CDH26: variants seen among roughly 807,000 people sequenced by gnomAD.
CDH26 encodes cadherin-like protein 26.
A neutral mutation model predicts 90.3 loss-of-function variants in CDH26; 83 were observed. The ratio of observed to expected loss-of-function variants is 0.92; its 90% CI spans 0.77 to 1.10. The LOEUF (loss-of-function observed/expected upper bound fraction) is 1.10, where lower values mean the gene tolerates loss of function less well. Ranked by LOEUF, CDH26 falls within the 50% of genes least tolerant of loss-of-function variation. The pLI is 0.00. For missense variants in CDH26, 1,013 were observed against 1,037.6 expected (o/e 0.98, Z 0.33); for synonymous variants, 397 against 396.3 (o/e 1.00, Z -0.02).
intron 7 of CDH26, among the ~76,000 whole-genome samples, chr20:59,985,594 G>C (rs1236478000): frequency 6.6e-6 from 1 of 152,096 alleles, no homozygotes; most frequent in African/African-American, 2.4e-5. Flanking sequence ...CTTCCCACCA[G>C]GCCCCACCTC....
At chr20:59,982,128 T>C (rs2061402124) in intron 4 of CDH26, among the ~76,000 whole-genome samples, 1 of 152,216 alleles carries the variant, frequency 6.6e-6, no homozygotes, top group African/African-American at 2.4e-5. Flanking sequence ...TCATTCTCGT[T>C]ATTGATAATT....
chr20:60,012,739 G>C lies in CDH26; in HGVS notation c.*9G>C, dbSNP rs768562324. 1.9e-6 allele frequency: 3 copies of C among 1,599,306 alleles called. No individual in the cohort carries two copies. Among genetic ancestry groups the C allele is most frequent in the Non-Finnish European group, 2.6e-6 (3 of 1,168,684 alleles). Reference sequence around the variant, plus strand: ...CAGGTGTTCCTTCCTAAAAAAAAAAGTCTATTTTGGAGAATTGAAATAATT... The same window carrying C: ...CAGGTGTTCCTTCCTAAAAAAAAAACTCTATTTTGGAGAATTGAAATAATT... On this transcript the variant is annotated 3_prime_UTR_variant, in exon 18 of 18. Coordinates refer to ENST00000348616, the MANE Select transcript of CDH26 (RefSeq NM_177980.4).
At position 59,982,801 on chromosome 20, in the gene CDH26, C is replaced by T. The variant is rs2061409610; in HGVS notation, c.394-122C>T. On this transcript the variant is annotated intron_variant, in intron 4 of 17. Coordinates refer to ENST00000348616, the MANE Select transcript of CDH26 (RefSeq NM_177980.4). ...AAATGAGGGCAGTCTGATTCCTGCC[C>T]TCCGGAACTCTCAGTCTAGAGGAGG... 5.2e-6 allele frequency: 6 copies of T among 1,161,080 alleles called. No homozygotes were observed. The Admixed American group carries it at 8.6e-5, about 17-fold the overall frequency. The allele number at this position is 1,161,080 out of a possible 1,614,324, so 71.9% of individuals were successfully genotyped here.
At chr20:59,993,839 A>T (rs559477354) in intron 10 of CDH26, among the ~76,000 whole-genome samples, 1 of 152,306 alleles carries the variant, frequency 6.6e-6, no homozygotes, top group African/African-American at 2.4e-5. Flanking sequence ...ACCTTGCAGG[A>T]CTACAGTGTA....
In CDH26 at chr20:59,984,490, T is replaced by C. The variant is rs148515614; in HGVS notation, c.542-149T>C. 1.3e-3 allele frequency: 766 copies of C among 574,172 alleles called. 7 individuals are homozygous for C. In the East Asian group the frequency reaches 0.021, roughly 16 times the overall value. The allele number at this position is 574,172 out of a possible 1,614,324, so 35.6% of individuals were successfully genotyped here. ...ACTAATTAAATATTCATCCTTATCT[T>C]TTCTAGTATGTCCATAGTTTATTTT... On this transcript the variant is annotated intron_variant, in intron 5 of 17. Transcript: ENST00000348616.
rs772540160 is a variant in CDH26 at position 59,989,087 on chromosome 20, G to T, written c.1207G>T (p.Val403Phe). ...PPAFHPQSFI[V>F]NKEEGARPGT... ...AGCCTTTCACCCCCAGAGCTTCATTGTCAATAAAGAGGAGGGCGCCAGGCC... is the reference window on the plus strand; with the variant it reads ...AGCCTTTCACCCCCAGAGCTTCATTTTCAATAAAGAGGAGGGCGCCAGGCC... The change falls in exon 9 of 18, where the codon GTC (valine) becomes TTC (phenylalanine). Residue 403 changes from valine (V) to phenylalanine (F), a missense_variant. Physicochemically the swap from Val to Phe is conservative, Grantham distance 50 (BLOSUM62 -1). Transcript: ENST00000348616. 7.4e-6 allele frequency: 12 copies of T among 1,614,074 alleles called. No individual in the cohort carries two copies. The Middle Eastern group carries it at 6.6e-4, about 88-fold the overall frequency.
downstream of CDH26, among the ~76,000 whole-genome samples, chr20:60,035,582 A>G (rs1337961236): frequency 6.6e-6 from 1 of 150,506 alleles, no homozygotes; most frequent in Non-Finnish European, 1.5e-5. Flanking sequence ...TTTTTCTGAT[A>G]GGTTGGTGGT....
downstream of CDH26, among the ~76,000 whole-genome samples, chr20:60,035,375 C>T (rs949155494): frequency 6.6e-6 from 1 of 152,158 alleles, no homozygotes; most frequent in African/African-American, 2.4e-5. Context: ...AATTGTTTTC[C>T]AACATTCCCA....
chr20:60,034,552 C>T (rs1348523782), downstream of CDH26, among the ~76,000 whole-genome samples: 2 of 152,148 alleles, frequency 1.3e-5, no homozygotes, highest in Admixed American at 6.5e-5. Context: ...CTAGAGATTG[C>T]ACTTAGGAGA....
At position 59,991,936 on chromosome 20, in the gene CDH26, G is replaced by T. The variant is rs1437023681; in HGVS notation, c.1284-442G>T. On this transcript the variant is annotated intron_variant, in intron 9 of 17. Coordinates refer to ENST00000348616, the MANE Select transcript of CDH26 (RefSeq NM_177980.4). ...GTAGAAGACCACTTTGAGGAATAGG[G>T]TTACCCAACTGTGAACTGCCAGGGC... 2.0e-5 allele frequency among the ~76,000 whole-genome samples: 3 copies of T among 152,276 alleles called. No homozygotes were observed. The East Asian group carries it at 5.8e-4, about 29-fold the overall frequency.
rs751055600 is a variant in CDH26 at position 59,969,012 on chromosome 20, A to T, written c.115A>T (p.Lys39Ter). The T allele has an allele frequency of 6.3e-7, 1 of 1,591,854 alleles. No homozygotes were observed. The highest frequency in any genetic ancestry group is 1.7e-5 in the Admixed American group (1 of 59,930). Reference protein sequence around the residue: ...SVQQETDDLTKQTKEKIYQPL... With the variant: ...SVQQETDDLT The stretch of plus-strand genomic sequence containing the variant: ...TCAACAGGAAACAGATGATCTTACT[A>T]AGCAAACAAAGGTGAGGTTTGGAAG... Residue 39 changes from lysine to a stop codon, truncating the protein, a stop_gained, in exon 2 of 18, where the codon AAG (lysine) becomes TAG (stop). Coordinates refer to ENST00000348616, the MANE Select transcript of CDH26 (RefSeq NM_177980.4). LOFTEE classifies it high-confidence loss of function.
chr20:60,003,187 G>A (rs763831613), intron 16 of CDH26, among the ~76,000 whole-genome samples: 13 of 152,214 alleles, frequency 8.5e-5, no homozygotes, highest in Non-Finnish European at 1.8e-4. Context: ...TGAGCTAAGG[G>A]GGTCTTAGAC....
intron 1 of CDH26, among the ~76,000 whole-genome samples, chr20:59,963,746 G>A (rs1281031109): frequency 6.6e-6 from 1 of 151,806 alleles, no homozygotes; most frequent in Middle Eastern, 3.2e-3. Flanking sequence ...AGAGATATTG[G>A]GTACGGATTA....
chr20:60,033,979 C>T lies in CDH26; in HGVS notation c.*303C>T, dbSNP rs1258026728. On this transcript the variant is annotated 3_prime_UTR_variant, in exon 9 of 9. Coordinates refer to the CDH26 transcript ENST00000370991. ...CTTCTATAAATTCTCATAGAACTTCCTTTAATGCATTAAAAAAGCAACTAG... is the reference window on the plus strand; with the variant it reads ...CTTCTATAAATTCTCATAGAACTTCTTTTAATGCATTAAAAAAGCAACTAG... The T allele has an allele frequency of 3.5e-5, 7 of 201,858 alleles. No homozygotes were observed. In the South Asian group the frequency reaches 6.6e-4, roughly 19 times the overall value. The allele number at this position is 201,858 out of a possible 1,614,324, so 12.5% of individuals were successfully genotyped here.
At chr20:59,977,174 G>A (rs1490359022) in intron 4 of CDH26, among the ~76,000 whole-genome samples, 1 of 152,130 alleles carries the variant, frequency 6.6e-6, no homozygotes, top group East Asian at 1.9e-4. Flanking sequence ...GGCTGGTGCT[G>A]GTGAGTCCGC....
chr20:59,994,728 G>A (rs1473717071), intron 11 of CDH26, among the ~76,000 whole-genome samples: 1 of 152,088 alleles, frequency 6.6e-6, no homozygotes, highest in African/African-American at 2.4e-5. Flanking sequence ...AGGCTGCTGG[G>A]AGTCCCTGAG....
intron 7 of CDH26, among the ~76,000 whole-genome samples, chr20:60,029,766 G>A (rs984165029): frequency 1.1e-4 from 16 of 152,210 alleles, no homozygotes; most frequent in Admixed American, 9.8e-4. Context: ...TTAGTTTGCT[G>A]AGAATGATGG....
At chr20:60,035,448 G>T (rs2062075261), downstream of CDH26, among the ~76,000 whole-genome samples, 1 of 152,146 alleles carries the variant, frequency 6.6e-6, no homozygotes, top group African/African-American at 2.4e-5. Context: ...CTTAAAAAGG[G>T]TCTGTAATTT....
intron 2 of CDH26, 156 bp from the exon 3 acceptor site, chr20:59,969,926 C>A (rs1045686066): frequency 6.7e-6 from 4 of 595,982 alleles, no homozygotes; most frequent in African/African-American, 2.0e-5. Context: ...AGAAGACAGG[C>A]ACTTGGGTTT....
Sources: allele counts gnomAD v4.1 joint callset (sites outside exome capture counted in the v4.1 genomes callset), GRCh38; gene constraint gnomAD v4.1.1; transcripts MANE v1.5; gene names NCBI Gene and HGNC (gene_info 2026-07-23, HGNC 2026-07-21).